Variants in FBXL13 observed in about 807,000 individuals in gnomAD.
FBXL13 encodes F-box and leucine-rich repeat protein 13.
In FBXL13, 67 loss-of-function variants were observed where a neutral mutation model predicts 83.6. The observed-to-expected ratio is 0.80, with a 90% CI of 0.66 to 0.98. The LOEUF (loss-of-function observed/expected upper bound fraction) is 0.98, where lower values mean the gene tolerates loss of function less well. Among genes scored for constraint, FBXL13 ranks in the 50% least tolerant of loss-of-function variants. FBXL13 has a pLI of 0.00. For synonymous variants in FBXL13, 272 were observed against 299.5 expected (o/e 0.91, Z 0.95); for missense variants, 822 against 866.5 (o/e 0.95, Z 0.64).
chr7:102,942,152 AAT>A, intron 8 of FBXL13: 1 of 569,160 alleles, frequency 1.8e-6, no homozygotes, highest in Admixed American at 2.9e-5. Flanking sequence ...TTCCTACATT[AAT>A]AAATATTTAC....
intron 7 of FBXL13, among the ~76,000 whole-genome samples, chr7:102,966,251 T>C (rs780913007): frequency 1.3e-5 from 2 of 152,204 alleles, no homozygotes; most frequent in African/African-American, 2.4e-5. Flanking sequence ...TCTAGGTGGG[T>C]TGTTAAAACA....
chr7:103,034,809 T>C (rs1794916018), intron 2 of FBXL13, among the ~76,000 whole-genome samples: 1 of 152,244 alleles, frequency 6.6e-6, no homozygotes, highest in South Asian at 2.1e-4. Context: ...TACAAGGCCA[T>C]CAAATTTAAT....
chr7:102,877,107 C>T (rs146665444), intron 16 of FBXL13, among the ~76,000 whole-genome samples: 13 of 152,222 alleles, frequency 8.5e-5, no homozygotes, highest in South Asian at 6.2e-4. Context: ...TCAAGGCATT[C>T]GGGTAGTCTC....
At chr7:102,841,327 G>C (rs1459876798) in intron 17 of FBXL13, among the ~76,000 whole-genome samples, 1 of 152,048 alleles carries the variant, frequency 6.6e-6, no homozygotes, top group Non-Finnish European at 1.5e-5. Context: ...TAAAGAGTGG[G>C]AGAGGGCTCC....
chr7:103,015,965 C>A (rs180902219), intron 6 of FBXL13, among the ~76,000 whole-genome samples: 8 of 152,104 alleles, frequency 5.3e-5, no homozygotes, highest in Admixed American at 2.6e-4. Context: ...AGGTGAAAGA[C>A]CTCTACAACA....
intron 2 of FBXL13, among the ~76,000 whole-genome samples, chr7:103,039,191 C>T (rs1229722299): frequency 2.0e-5 from 3 of 152,094 alleles, no homozygotes; most frequent in Non-Finnish European, 2.9e-5. Flanking sequence ...GCTTCAATAG[C>T]TGATTCCATC....
At chr7:103,028,803 T>C in intron 3 of FBXL13, 55 bp from the exon 5 acceptor site, 2 of 1,382,218 alleles carry the variant, frequency 1.4e-6, no homozygotes, top group South Asian at 3.4e-5. Flanking sequence ...GGGCAATATA[T>C]CATTAAATAA....
intron 16 of FBXL13, 45 bp downstream of exon 17, chr7:102,877,422 T>C: frequency 7.0e-7 from 1 of 1,424,962 alleles, no homozygotes; most frequent in Non-Finnish European, 9.4e-7. Context: ...ATAATTGTAT[T>C]ATAGAAAACA....
At chr7:102,936,933 C>A (rs572250920) in intron 8 of FBXL13, among the ~76,000 whole-genome samples, 1 of 152,102 alleles carries the variant, frequency 6.6e-6, no homozygotes, top group Non-Finnish European at 1.5e-5. Context: ...CCTTTTTTCC[C>A]ATATTTTTCT....
intron 2 of FBXL13, among the ~76,000 whole-genome samples, chr7:103,046,593 T>C (rs1280495267): frequency 6.6e-6 from 1 of 152,236 alleles, no homozygotes; most frequent in African/African-American, 2.4e-5. Context: ...TGTATAAGGC[T>C]GGTGCAAAAT....
At chr7:103,040,426 G>A (rs200322836) in intron 2 of FBXL13, among the ~76,000 whole-genome samples, 4 of 152,050 alleles carry the variant, frequency 2.6e-5, no homozygotes, top group Non-Finnish European at 4.4e-5. Context: ...TGAGACAGAA[G>A]GTTAACAAGG....
chr7:102,852,272 G>A (rs1805375079), intron 17 of FBXL13, among the ~76,000 whole-genome samples: 2 of 152,136 alleles, frequency 1.3e-5, no homozygotes, highest in Non-Finnish European at 2.9e-5. Flanking sequence ...GATCACATAT[G>A]TGTTGTTACA....
intron 2 of FBXL13, among the ~76,000 whole-genome samples, chr7:103,033,151 GT>G (rs931832080): frequency 2.6e-5 from 4 of 152,200 alleles, no homozygotes; most frequent in African/African-American, 4.8e-5. Context: ...ACTAAGAAAG[GT>G]TTTTTTGTTT....
intron 16 of FBXL13, among the ~76,000 whole-genome samples, chr7:102,876,089 G>T (rs1018228092): frequency 1.3e-5 from 2 of 152,090 alleles, no homozygotes; most frequent in Admixed American, 6.5e-5. Context: ...TCATGATGTG[G>T]GAGCAAGAAA....
At chr7:102,829,728 G>T (rs148245070) in intron 18 of FBXL13, among the ~76,000 whole-genome samples, 4 of 152,264 alleles carry the variant, frequency 2.6e-5, no homozygotes, top group African/African-American at 9.6e-5. Context: ...TGGTTGCAAG[G>T]AAAAGCCGGC....
chr7:102,881,989 A>G (rs1326771878), intron 14 of FBXL13, among the ~76,000 whole-genome samples: 1 of 152,214 alleles, frequency 6.6e-6, no homozygotes, highest in Non-Finnish European at 1.5e-5. Context: ...GGGCCAGTGC[A>G]GTGGCTCATG....
At chr7:102,815,726 G>A (rs1797906003) in intron 19 of FBXL13, among the ~76,000 whole-genome samples, 1 of 152,036 alleles carries the variant, frequency 6.6e-6, no homozygotes, top group South Asian at 2.1e-4. Flanking sequence ...AATGTCAGAA[G>A]AGCAACAGTT....
intron 17 of FBXL13, among the ~76,000 whole-genome samples, chr7:102,852,004 T>C (rs911974939): frequency 2.0e-5 from 3 of 152,154 alleles, no homozygotes; most frequent in African/African-American, 7.2e-5. Context: ...AATTGTTGAG[T>C]ATCTGGCATA....
At chr7:102,959,211 G>T (rs1824779563) in intron 8 of FBXL13, among the ~76,000 whole-genome samples, 1 of 152,056 alleles carries the variant, frequency 6.6e-6, no homozygotes, top group Admixed American at 6.6e-5. Context: ...CTACTGCTTT[G>T]TGTAGCACCA....
Sources: gnomAD v4.1 joint callset for allele counts (sites outside exome capture counted in the v4.1 genomes callset) on GRCh38, gnomAD v4.1.1 for gene constraint, MANE v1.5 for transcripts, NCBI Gene and HGNC (gene_info 2026-07-23, HGNC 2026-07-21) for gene names.